Variants in TRAPPC13 observed in about 807,000 individuals in gnomAD.
TRAPPC13 encodes REV7-interacting novel NHEJ regulator 1.
A neutral mutation model predicts 54.0 loss-of-function variants in TRAPPC13; 39 were observed. The ratio of observed to expected loss-of-function variants is 0.72; its 90% confidence interval spans 0.56 to 0.94. The LOEUF (loss-of-function observed/expected upper bound fraction) is 0.94, where lower values mean the gene tolerates loss of function less well. Among genes scored for constraint, TRAPPC13 ranks in the 40% least tolerant of loss-of-function variants. The pLI is 0.00. For missense variants in TRAPPC13, 386 were observed against 488.1 expected, an observed-to-expected ratio of 0.79 and a Z score of 1.97; for synonymous variants, 148 against 167.7, an observed-to-expected ratio of 0.88 and a Z score of 0.91.
chr5:65,630,188 A>G (rs1200254192), intron 1 of TRAPPC13: 1 of 1,535,904 alleles, frequency 6.5e-7, no homozygotes, highest in Non-Finnish European at 8.7e-7. Context: ...TCCATCTTGT[A>G]ATGCTACAAT....
At position 65,646,628 on chromosome 5, in the gene TRAPPC13, G is replaced by A. The variant is rs146903761; in HGVS notation, c.301-427G>A. Among the ~76,000 whole-genome samples, 215 of 152,062 alleles carry A rather than the reference G, an allele frequency of 1.4e-3. 3 individuals are homozygous for A. The highest frequency in any genetic ancestry group is 4.8e-3 in the African/African-American group (201 of 41,478). On this transcript the variant is annotated intron_variant, in intron 4 of 12. Coordinates refer to ENST00000399438, the MANE Select transcript of TRAPPC13 (RefSeq NM_024941.4). ...TACACATAAAATGGTGAAAAAACAC[G>A]TGTCGTAGCTAGAGTATATTTGTGT...
At chr5:65,639,780 TA>T (rs1231543774) in intron 4 of TRAPPC13, among the ~76,000 whole-genome samples, 1 of 152,152 alleles carries the variant, frequency 6.6e-6, no homozygotes, top group Non-Finnish European at 1.5e-5. Flanking sequence ...ACCTTTGAAG[TA>T]GTGTAGAAAT....
chr5:65,662,349 T>C (rs1581235882), intron 11 of TRAPPC13, 199 bp downstream of exon 11: 2 of 410,440 alleles, frequency 4.9e-6, no homozygotes, highest in East Asian at 8.2e-5. Context: ...GTATTATGCA[T>C]CTTCTGTATT....
At chr5:65,656,978 G>C (rs1323425392) in intron 8 of TRAPPC13, among the ~76,000 whole-genome samples, 1 of 152,148 alleles carries the variant, frequency 6.6e-6, no homozygotes, top group Non-Finnish European at 1.5e-5. Context: ...TAGGGAGGCT[G>C]AGGCAGGAGA....
chr5:65,646,040 C>T (rs915467017), intron 4 of TRAPPC13, among the ~76,000 whole-genome samples: 1 of 151,930 alleles, frequency 6.6e-6, no homozygotes, highest in South Asian at 2.1e-4. Context: ...CAAGAGAAGA[C>T]GAGGTTCCTG....
chr5:65,636,618 C>G (rs1422189931), intron 3 of TRAPPC13, among the ~76,000 whole-genome samples: 1 of 152,034 alleles, frequency 6.6e-6, no homozygotes, highest in Non-Finnish European at 1.5e-5. Context: ...GCCACATAGT[C>G]TTTTAACTAC....
chr5:65,640,307 C>A (rs1679704137), intron 4 of TRAPPC13, among the ~76,000 whole-genome samples: 1 of 152,142 alleles, frequency 6.6e-6, no homozygotes. Flanking sequence ...GGAGCCAAGG[C>A]AGGAAGATTG....
intron 1 of TRAPPC13, chr5:65,630,860 T>G (rs1755517301): frequency 5.4e-6 from 1 of 185,698 alleles, no homozygotes; most frequent in East Asian, 1.9e-4. Flanking sequence ...TAATGTATCC[T>G]GTTTTGAAGG....
rs765692247 is a variant in TRAPPC13, at chr5:65,664,710, A to G, written c.*99A>G. ...ACGTCAACAACGAAGTAAATATGTT[A>G]CTTAAATTTTCTTTCCTGTAAAATG... On this transcript the variant is annotated 3_prime_UTR_variant, in exon 13 of 13. Coordinates refer to ENST00000399438, the MANE Select transcript of TRAPPC13 (RefSeq NM_024941.4). The G allele has an allele frequency of 1.6e-4, 131 of 827,700 alleles. No homozygotes were observed. The highest frequency in any genetic ancestry group is 2.1e-4 in the Non-Finnish European group (107 of 517,526). The allele number at this position is 827,700 out of a possible 1,614,324, so 51.3% of individuals were successfully genotyped here. A position where few individuals can be genotyped will look rare whatever the true frequency, so the allele number is the denominator to read the frequency against.
intron 12 of TRAPPC13, 60 bp downstream of exon 12, chr5:65,664,444 G>A (rs1756961017): frequency 6.2e-7 from 1 of 1,601,310 alleles, no homozygotes; most frequent in Non-Finnish European, 8.5e-7. Context: ...AGTCATTTGT[G>A]ATGTCTGTAT....
At chr5:65,640,134 G>T (rs1169323731) in intron 4 of TRAPPC13, among the ~76,000 whole-genome samples, 2 of 152,182 alleles carry the variant, frequency 1.3e-5, no homozygotes, top group Non-Finnish European at 2.9e-5. Context: ...ACAGCCCAAA[G>T]ACCAAATTTG....
intron 1 of TRAPPC13, chr5:65,630,488 G>A (rs27594): frequency 0.64 from 874,872 of 1,368,210 alleles, 281,554 homozygotes; most frequent in South Asian, 0.66. Flanking sequence ...GCTGAGTTCT[G>A]CTTATTGGCA....
chr5:65,631,322 A>T (rs1365065601), intron 1 of TRAPPC13, among the ~76,000 whole-genome samples: 1 of 152,200 alleles, frequency 6.6e-6, no homozygotes, highest in African/African-American at 2.4e-5. Flanking sequence ...GATTCTTCAT[A>T]GCCTGAGATG....
Position 65,650,838 on chromosome 5 carries a change from C to G in TRAPPC13, c.457C>G (p.Gln153Glu). The G allele has an allele frequency of 6.2e-7, 1 of 1,613,252 alleles. No individual in the cohort carries two copies. ...ILVCAVSYTT[Q>E]AGEKMYFRKF... ...GGTATGTGCTGTGAGTTATACAACT[C>G]AGGCTGGAGAAAAAATGTATTTCAG... The change falls in exon 6 of 13, where the codon CAG becomes GAG. Residue 153 changes from glutamine (Q) to glutamate (E), a missense_variant. Physicochemically the swap from Gln to Glu is conservative, Grantham distance 29. Coordinates refer to ENST00000399438, the MANE Select transcript of TRAPPC13 (RefSeq NM_024941.4).
intron 4 of TRAPPC13, 56 bp from the exon 5 acceptor site, chr5:65,646,999 C>A: frequency 6.7e-7 from 1 of 1,482,454 alleles, no homozygotes; most frequent in Non-Finnish European, 9.0e-7. Flanking sequence ...CCATGCACAC[C>A]CTGTAGGTAA....
chr5:65,662,127 T>TA lies in TRAPPC13; in HGVS notation c.976dup (p.Thr326AsnfsTer3). Reference sequence around the variant, plus strand: ...TAAACCTTGAAGAACCTTTTCATATTACCTGTAAAATAACAAACTGCAGGT... The same window carrying TA: ...TAAACCTTGAAGAACCTTTTCATATTAACCTGTAAAATAACAAACTGCAGGT... On this transcript the variant is annotated frameshift_variant, in exon 11 of 13. Transcript: ENST00000399438. LOFTEE classifies it high-confidence loss of function. 1 of 1,607,398 alleles carries TA rather than the reference T, an allele frequency of 6.2e-7. No homozygotes were observed. The highest frequency in any genetic ancestry group is 8.5e-7 in the Non-Finnish European group (1 of 1,177,090).
chr5:65,663,276 C>G (rs1049793349), intron 11 of TRAPPC13: 3 of 152,016 alleles, frequency 2.0e-5, no homozygotes, highest in East Asian at 1.9e-4. Flanking sequence ...AAGCACATGT[C>G]TCTTAGATCT....
intron 9 of TRAPPC13, among the ~76,000 whole-genome samples, chr5:65,660,268 A>G (rs994796433): frequency 6.6e-6 from 1 of 151,956 alleles, no homozygotes; most frequent in Non-Finnish European, 1.5e-5. Context: ...TTTCTGTTGC[A>G]CTTTTCAGTT....
At chr5:65,645,525 C>A (rs1756157658) in intron 4 of TRAPPC13, among the ~76,000 whole-genome samples, 1 of 152,002 alleles carries the variant, frequency 6.6e-6, no homozygotes, top group Non-Finnish European at 1.5e-5. Context: ...TGTTTTTTAG[C>A]AGGGCGCGGT....
Sources: allele counts gnomAD v4.1 joint callset (sites outside exome capture counted in the v4.1 genomes callset), GRCh38; gene constraint gnomAD v4.1.1; transcripts MANE v1.5; gene names NCBI Gene and HGNC (gene_info 2026-07-23, HGNC 2026-07-21).